Variants in TRIB1 observed in about 807,000 individuals in gnomAD.
The protein encoded by TRIB1 is tribbles pseudokinase 1.
In TRIB1, 12 loss-of-function variants were observed where a neutral mutation model predicts 27.8. The observed-to-expected ratio is 0.43, with a 90% CI of 0.28 to 0.70. The LOEUF is 0.70. Ranked by LOEUF, TRIB1 falls within the 30% of genes least tolerant of loss-of-function variation. The pLI, the probability that TRIB1 is intolerant of heterozygous loss-of-function variation, is 0.18. For missense variants in TRIB1, 475 were observed against 515.8 expected (o/e 0.92, Z 0.77); for synonymous variants, 230 against 224.9 (o/e 1.02, Z -0.20).
At position 125,437,749 on chromosome 8, in the gene TRIB1, T is replaced by G. The variant is rs1586850525; in HGVS notation, c.*1278T>G. The G allele has an allele frequency of 6.6e-6, 1 of 152,546 alleles. No individual in the cohort carries two copies. The highest frequency in any genetic ancestry group is 1.9e-4 in the East Asian group (1 of 5,250). 9.4% of individuals were successfully genotyped at this position (152,546 alleles called of 1,614,324 possible). A position where few individuals can be genotyped will look rare whatever the true frequency, so the allele number is the denominator to read the frequency against. On this transcript the variant is annotated 3_prime_UTR_variant, in exon 3 of 3. Coordinates refer to ENST00000311922, the MANE Select transcript of TRIB1 (RefSeq NM_025195.4). ...GTGGGAATCCAGCCTCTGTTAGATATGTCCAGAGATGGAAACTCACTCCCC... is the reference window on the plus strand; with the variant it reads ...GTGGGAATCCAGCCTCTGTTAGATAGGTCCAGAGATGGAAACTCACTCCCC...
Position 125,438,175 on chromosome 8 carries a change from G to A in TRIB1, c.*1704G>A, listed in dbSNP as rs1814787017. 1.3e-5 allele frequency: 2 copies of A among 152,712 alleles called. No homozygotes were observed. Among genetic ancestry groups the A allele is most frequent in the Admixed American group, 1.3e-4 (2 of 15,274 alleles). 9.5% of individuals were successfully genotyped at this position (152,712 alleles called of 1,614,324 possible). A position where few individuals can be genotyped will look rare whatever the true frequency, so the allele number is the denominator to read the frequency against. ...GCAATATTACCTTGACAGAATCATG[G>A]GACTTTGAGAAGAGGGAGGACAGAG... is the stretch of plus-strand genomic sequence containing the variant. On this transcript the variant is annotated 3_prime_UTR_variant, in exon 3 of 3. Transcript: ENST00000311922.
Position 125,430,877 on chromosome 8 carries a change from C to T in TRIB1, c.-26C>T. 2.2e-6 allele frequency: 3 copies of T among 1,386,896 alleles called. No homozygotes were observed. Among genetic ancestry groups the T allele is most frequent in the Admixed American group, 3.9e-5 (1 of 25,592 alleles). The allele number at this position is 1,386,896 out of a possible 1,614,324, so 85.9% of individuals were successfully genotyped here. ...CGCGCGGATCCCGGGACTTAAAAAGCCGGGGCCACCCCGGCCCAGGACGGG... is the reference window on the plus strand; with the variant it reads ...CGCGCGGATCCCGGGACTTAAAAAGTCGGGGCCACCCCGGCCCAGGACGGG... On this transcript the variant is annotated 5_prime_UTR_variant, in exon 1 of 3. Coordinates refer to ENST00000311922, the MANE Select transcript of TRIB1 (RefSeq NM_025195.4).
chr8:125,431,015 A>T lies in TRIB1; in HGVS notation c.113A>T (p.Asp38Val). ...GVPAKRLLDA[D>V]DAAAVAAKCP... ...CCGGCCAAACGCCTGCTGGACGCCG[A>T]CGACGCGGCGGCTGTGGCGGCCAAG... The change falls in exon 1 of 3, where the codon GAC becomes GTC. Residue 38 changes from aspartate (D) to valine (V), a missense_variant. Physicochemically the swap from Asp to Val is radical, Grantham distance 152. Transcript: ENST00000311922. The T allele has an allele frequency of 6.8e-7, 1 of 1,463,778 alleles. No homozygotes were observed. The highest frequency in any genetic ancestry group is 1.5e-5 in the African/African-American group (1 of 67,770). 90.7% of individuals were successfully genotyped at this position (1,463,778 alleles called of 1,614,324 possible). A position where few individuals can be genotyped will look rare whatever the true frequency, so the allele number is the denominator to read the frequency against.
chr8:125,432,431 T>A, intron 1 of TRIB1: 1 of 372,058 alleles, frequency 2.7e-6, no homozygotes, highest in Non-Finnish European at 3.7e-6. Flanking sequence ...GTGGGGTGAG[T>A]CTGGCCATTG....
rs954503284 is a variant in TRIB1, at chr8:125,433,978, A to C, written c.653+369A>C. 1.3e-5 allele frequency among the ~76,000 whole-genome samples: 2 copies of C among 152,196 alleles called. No individual in the cohort carries two copies. Among genetic ancestry groups the C allele is most frequent in the Admixed American group, 6.5e-5 (1 of 15,286 alleles). On this transcript the variant is annotated intron_variant, in intron 2 of 2. Coordinates refer to ENST00000311922, the MANE Select transcript of TRIB1 (RefSeq NM_025195.4). This position sits in a 1 kb window ranked among gnomAD's most constrained non-coding sequence, Gnocchi z 4.4. ...GAAGGAAGTGTTCAAATCTTTGCTT[A>C]TGCCAAGTGCTGTTTTGTACCTGGA...
Position 125,436,403 on chromosome 8 carries a change from A to G in TRIB1, c.1051A>G (p.Ile351Val). Reference sequence around the variant, plus strand: ...GGAACCCGGGTACATCGACTCAGAAATAGGAACTTCAGACCAGATTGTTCC... The same window carrying G: ...GGAACCCGGGTACATCGACTCAGAAGTAGGAACTTCAGACCAGATTGTTCC... ...VLEPGYIDSE[I>V]GTSDQIVPEY... Residue 351 changes from isoleucine to valine, a missense_variant, in exon 3 of 3, where the codon ATA becomes GTA. Coordinates refer to ENST00000311922, the MANE Select transcript of TRIB1 (RefSeq NM_025195.4). 1.2e-6 allele frequency: 2 copies of G among 1,614,052 alleles called. No individual in the cohort carries two copies. The highest frequency in any genetic ancestry group is 1.7e-6 in the Non-Finnish European group (2 of 1,180,034).
At chr8:125,434,414 T>C (rs1310665605) in intron 2 of TRIB1, among the ~76,000 whole-genome samples, 1 of 152,198 alleles carries the variant, frequency 6.6e-6, no homozygotes, top group Non-Finnish European at 1.5e-5. Flanking sequence ...GTTAGTTTGT[T>C]GTAAGAAGTG....
rs1814702875 is a variant in TRIB1, at chr8:125,433,713, T to C, written c.653+104T>C. ...GTTGGTGCAAAACAAAGTCAAGGGC[T>C]CATATGTCCCAGATTTAGTATTTAG... On this transcript the variant is annotated intron_variant, in intron 2 of 2. Transcript: ENST00000311922. This position sits in a 1 kb window ranked among gnomAD's most constrained non-coding sequence, Gnocchi z 4.4. 4.4e-6 allele frequency: 6 copies of C among 1,351,778 alleles called. No homozygotes were observed. Among genetic ancestry groups the C allele is most frequent in the African/African-American group, 1.5e-5 (1 of 68,632 alleles). The allele number at this position is 1,351,778 out of a possible 1,614,324, so 83.7% of individuals were successfully genotyped here. A position where few individuals can be genotyped will look rare whatever the true frequency, so the allele number is the denominator to read the frequency against.
rs143641013 is a variant in TRIB1 at position 125,436,177 on chromosome 8, C to T, written c.825C>T (p.Tyr275=). 6.2e-6 allele frequency: 10 copies of T among 1,614,074 alleles called. No individual in the cohort carries two copies. The highest frequency in any genetic ancestry group is 2.7e-5 in the African/African-American group (2 of 74,918). Residue 275 remains tyrosine, a synonymous_variant, in exon 3 of 3, where the codon TAC becomes TAT. Transcript: ENST00000311922. ...ADVWSLGVML[Y]TLLVGRYPFH... is the part of the protein sequence containing the mutation. ...TTTGGAGCCTGGGGGTGATGCTCTACACCCTTCTGGTTGGACGATACCCCT... is the reference window on the plus strand; with the variant it reads ...TTTGGAGCCTGGGGGTGATGCTCTATACCCTTCTGGTTGGACGATACCCCT...
Position 125,431,131 on chromosome 8 carries a change from G to A in TRIB1, c.229G>A (p.Gly77Arg). ...CSPQPPPAAP[G>R]AGGGSGSAPG... ...CCCGCAGCCCCCGCCTGCCGCTCCG[G>A]GGGCCGGCGGAGGCTCCGGGAGCGC... The change falls in exon 1 of 3, where the codon GGG becomes AGG. Residue 77 changes from glycine to arginine, a missense_variant. Physicochemically the swap from Gly to Arg is moderately radical, Grantham distance 125. Transcript: ENST00000311922. The A allele has an allele frequency of 2.3e-6, 3 of 1,317,714 alleles. No homozygotes were observed. Among genetic ancestry groups the A allele is most frequent in the Non-Finnish European group, 2.9e-6 (3 of 1,041,440 alleles). 81.6% of individuals were successfully genotyped at this position (1,317,714 alleles called of 1,614,324 possible).
chr8:125,436,825 G>A lies in TRIB1; in HGVS notation c.*354G>A, dbSNP rs140952648. 144 of 287,548 alleles carry A rather than the reference G, an allele frequency of 5.0e-4. No individual in the cohort carries two copies. Among genetic ancestry groups the A allele is most frequent in the African/African-American group, 2.7e-3 (125 of 46,104 alleles). 17.8% of individuals were successfully genotyped at this position (287,548 alleles called of 1,614,324 possible). A position where few individuals can be genotyped will look rare whatever the true frequency, so the allele number is the denominator to read the frequency against. ...ATTCGAATGGGAGAAAAAGCAAATC[G>A]CACAATGACATATTTTGAGTAATAA... On this transcript the variant is annotated 3_prime_UTR_variant, in exon 3 of 3. Transcript: ENST00000311922.
Position 125,436,276 on chromosome 8 carries a change from C to T in TRIB1, c.924C>T (p.Ser308=), listed in dbSNP as rs201838912. ...RGQFCIPEHI[S]PKARCLIRSL... ...AGTTCTGCATTCCTGAGCACATTTC[C>T]CCCAAAGCCAGGTGCCTCATTCGCA... Residue 308 remains serine, a synonymous_variant, in exon 3 of 3, where the codon TCC becomes TCT. Coordinates refer to ENST00000311922, the MANE Select transcript of TRIB1 (RefSeq NM_025195.4). The T allele has an allele frequency of 2.0e-4, 315 of 1,614,080 alleles. 1 individual carries two copies. The Middle Eastern group carries it at 6.6e-3, about 34-fold the overall frequency.
At position 125,436,289 on chromosome 8, in the gene TRIB1, T is replaced by G. The variant is rs748313132; in HGVS notation, c.937T>G (p.Cys313Gly). The change falls in exon 3 of 3, where the codon TGC (cysteine) becomes GGC (glycine). Residue 313 changes from cysteine (C) to glycine (G), a missense_variant. By Grantham distance (159) the Cys-to-Gly change is radical. Transcript: ENST00000311922. ...IPEHISPKAR[C>G]LIRSLLRREP... ...TGAGCACATTTCCCCCAAAGCCAGG[T>G]GCCTCATTCGCAGCCTCTTGAGACG... 2 of 1,613,908 alleles carry G rather than the reference T, an allele frequency of 1.2e-6. No individual in the cohort carries two copies. Among genetic ancestry groups the G allele is most frequent in the South Asian group, 2.2e-5 (2 of 91,070 alleles).
At position 125,430,717 on chromosome 8, in the gene TRIB1, C is replaced by A. The variant is rs969217983; in HGVS notation, c.-186C>A. ...TCCCGGACGCACAGCCAGCGTGGTCCCCGCGTGCAACGCGAGCGCCGGGGA... is the reference window on the plus strand; with the variant it reads ...TCCCGGACGCACAGCCAGCGTGGTCACCGCGTGCAACGCGAGCGCCGGGGA... On this transcript the variant is annotated 5_prime_UTR_variant, in exon 1 of 3. Coordinates refer to ENST00000311922, the MANE Select transcript of TRIB1 (RefSeq NM_025195.4). 6 of 754,758 alleles carry A rather than the reference C, an allele frequency of 7.9e-6. No homozygotes were observed. In the Admixed American group the frequency reaches 1.8e-4, roughly 22 times the overall value. 46.8% of individuals were successfully genotyped at this position (754,758 alleles called of 1,614,324 possible). A position where few individuals can be genotyped will look rare whatever the true frequency, so the allele number is the denominator to read the frequency against.
In TRIB1 at chr8:125,433,431, T is replaced by G; in HGVS notation, c.475T>G (p.Phe159Val). 6.2e-7 allele frequency: 1 copy of G among 1,614,246 alleles called. No individual in the cohort carries two copies. The highest frequency in any genetic ancestry group is 8.5e-7 in the Non-Finnish European group (1 of 1,180,050). The change falls in exon 2 of 3, where the codon TTC becomes GTC. Residue 159 changes from phenylalanine (F) to valine (V), a missense_variant. Phe to Val is a conservative substitution (Grantham distance 50, BLOSUM62 -1). Coordinates refer to ENST00000311922, the MANE Select transcript of TRIB1 (RefSeq NM_025195.4). This position sits in a 1 kb window ranked among gnomAD's most constrained non-coding sequence, Gnocchi z 4.4. ...VILGETKAYVFFEKDFGDMHS... is the reference protein window; with the variant it reads ...VILGETKAYVVFEKDFGDMHS... ...CCTTGGGGAAACCAAGGCCTATGTCTTCTTTGAGAAGGACTTTGGGGACAT... is the reference window on the plus strand; with the variant it reads ...CCTTGGGGAAACCAAGGCCTATGTCGTCTTTGAGAAGGACTTTGGGGACAT...
rs1005356915 is a variant in TRIB1, at chr8:125,430,770, G to A, written c.-133G>A. On this transcript the variant is annotated 5_prime_UTR_variant, in exon 1 of 3. Coordinates refer to ENST00000311922, the MANE Select transcript of TRIB1 (RefSeq NM_025195.4). ...GGCTCCTGCTTTGCCCCTCGTGGGG[G>A]CCGAGCCAAGACCAGTCTGCAAACT... 8.3e-6 allele frequency: 10 copies of A among 1,198,894 alleles called. No individual in the cohort carries two copies. The East Asian group carries it at 2.9e-4, about 35-fold the overall frequency. 74.3% of individuals were successfully genotyped at this position (1,198,894 alleles called of 1,614,324 possible).
At chr8:125,432,299 GC>G (rs1471447340) in intron 1 of TRIB1, 2 of 980,900 alleles carry the variant, frequency 2.0e-6, no homozygotes, top group Non-Finnish European at 2.4e-6. Flanking sequence ...CATGACTGGG[GC>G]TAAGAGCTGT....
chr8:125,433,209 T>C lies in TRIB1; in HGVS notation c.361-108T>C. 1 of 1,211,202 alleles carries C rather than the reference T, an allele frequency of 8.3e-7. No individual in the cohort carries two copies. The highest frequency in any genetic ancestry group is 1.2e-6 in the Non-Finnish European group (1 of 862,018). 75.0% of individuals were successfully genotyped at this position (1,211,202 alleles called of 1,614,324 possible). A position where few individuals can be genotyped will look rare whatever the true frequency, so the allele number is the denominator to read the frequency against. ...AAAGGAGTAGGTGAATGGAACTTAC[T>C]CACATCCTAAGCCCACAGGTTGAGA... On this transcript the variant is annotated intron_variant, in intron 1 of 2. Transcript: ENST00000311922. This position sits in a 1 kb window ranked among gnomAD's most constrained non-coding sequence, Gnocchi z 4.4.
chr8:125,431,647 G>C (rs1396678062), intron 1 of TRIB1, among the ~76,000 whole-genome samples: 1 of 152,206 alleles, frequency 6.6e-6, no homozygotes, highest in African/African-American at 2.4e-5. Flanking sequence ...ACGCCCTTTA[G>C]TGGGTGCCTC....
Sources: gnomAD v4.1 joint callset for allele counts (sites outside exome capture counted in the v4.1 genomes callset) on GRCh38, gnomAD v4.1.1 for gene constraint, Gnocchi (gnomAD v3.1) non-coding constraint, MANE v1.5 for transcripts, NCBI Gene and HGNC (gene_info 2026-07-23, HGNC 2026-07-21) for gene names.